The following CARS1 variants were observed in gnomAD, a reference collection of about 807,000 sequenced individuals.
CARS1 encodes the protein cysteine--tRNA ligase, cytoplasmic.
Under a neutral mutation model 106.2 loss-of-function variants are expected in CARS1, and 48 were observed. That is an observed-to-expected ratio of 0.45 (90% CI 0.36 to 0.57). The LOEUF is 0.57. Among genes scored for constraint, CARS1 ranks in the 20% least tolerant of loss-of-function variants. The probability of loss-of-function intolerance (pLI) is 0.00; values close to 1 mark genes in which losing one functional copy is unlikely to be tolerated. For missense variants in CARS1, 968 were observed against 1,057.2 expected, an observed-to-expected ratio of 0.92 and a Z score of 1.17; for synonymous variants, 409 against 403.4, an observed-to-expected ratio of 1.01 and a Z score of -0.17.
rs767817380 is a variant in CARS1 at position 3,040,957 on chromosome 11, T to G, written c.394A>C (p.Lys132Gln). Residue 132 changes from lysine to glutamine, a missense_variant, in exon 4 of 23, where the codon AAG (lysine) becomes CAG (glutamine). Lys to Gln is a moderately conservative substitution (Grantham distance 53, BLOSUM62 1). Transcript: ENST00000380525. The surrounding 1 kb of genome is among the most constrained non-coding windows in gnomAD (Gnocchi z 5.8). ...KEVFIPQDGKKVTWYCCGPTV... is the reference protein window; with the variant it reads ...KEVFIPQDGKQVTWYCCGPTV... Reference sequence around the variant, plus strand: ...GGCCCACAGCAATACCACGTCACCTTTTTCCCATCTTGAGGTATGAACACT... The same window carrying G: ...GGCCCACAGCAATACCACGTCACCTGTTTCCCATCTTGAGGTATGAACACT... 6.2e-7 allele frequency: 1 copy of G among 1,614,166 alleles called. No homozygotes were observed. The highest frequency in any genetic ancestry group is 1.7e-5 in the Admixed American group (1 of 60,020).
In CARS1 at chr11:3,038,260, A is replaced by G; in HGVS notation, c.652-61T>C. ...CTGCTCAGCAAAACCTAAATTCATAAAGGTGATTCCAGGTAGAAAACAGAA... is the reference window on the plus strand; with the variant it reads ...CTGCTCAGCAAAACCTAAATTCATAGAGGTGATTCCAGGTAGAAAACAGAA... On this transcript the variant is annotated intron_variant, in intron 6 of 22. Transcript: ENST00000380525. The surrounding 1 kb of genome is among the most constrained non-coding windows in gnomAD (Gnocchi z 4.0). 1.3e-6 allele frequency: 2 copies of G among 1,483,798 alleles called. No homozygotes were observed. The highest frequency in any genetic ancestry group is 1.9e-6 in the Non-Finnish European group (2 of 1,067,792). The allele number at this position is 1,483,798 out of a possible 1,614,324, so 91.9% of individuals were successfully genotyped here.
chr11:3,052,102 T>A lies in CARS1; in HGVS notation c.26-4101A>T, dbSNP rs1185280426. Among the ~76,000 whole-genome samples the A allele has an allele frequency of 6.6e-6, 1 of 152,252 alleles. No individual in the cohort carries two copies. Among genetic ancestry groups the A allele is most frequent in the Admixed American group, 6.5e-5 (1 of 15,290 alleles). On this transcript the variant is annotated intron_variant, in intron 1 of 22. Transcript: ENST00000380525. This position sits in a 1 kb window ranked among gnomAD's most constrained non-coding sequence, Gnocchi z 4.6. ...CAGTAAGCATCTGCTATTTTTAAAA[T>A]GAGAAAAACATCAAATGTCCTAACG... is the stretch of plus-strand genomic sequence containing the variant.
intron 17 of CARS1, 77 bp from the exon 18 acceptor site, chr11:3,012,353 C>A (rs916938898): frequency 1.6e-6 from 2 of 1,284,302 alleles, no homozygotes; most frequent in East Asian, 4.6e-5. Flanking sequence ...GCTCAGTGGC[C>A]GCGACACAGG....
chr11:3,017,875 T>G lies in CARS1; in HGVS notation c.1709A>C (p.Glu570Ala), dbSNP rs567797550. The G allele has an allele frequency of 1.3e-4, 211 of 1,612,332 alleles. No individual in the cohort carries two copies. The highest frequency in any genetic ancestry group is 3.5e-4 in the South Asian group (32 of 91,016). ...ACCTTACTTCTTATTCAGTTCTGCTTCTTCTTCTCCCCACTTCTCAAACTG... is the reference window on the plus strand; with the variant it reads ...ACCTTACTTCTTATTCAGTTCTGCTGCTTCTTCTCCCCACTTCTCAAACTG... ...TGQFEKWGEE[E>A]AELNKNFYDK... Residue 570 changes from glutamate to alanine, a missense_variant, in exon 15 of 23, where the codon GAA (glutamate) becomes GCA (alanine). By Grantham distance (107) the Glu-to-Ala change is moderately radical. Transcript: ENST00000380525. This position sits in a 1 kb window ranked among gnomAD's most constrained non-coding sequence, Gnocchi z 4.9.
Position 3,029,233 on chromosome 11 carries a change from C to T in CARS1, c.942+70G>A. The T allele has an allele frequency of 2.5e-6, 4 of 1,575,158 alleles. No individual in the cohort carries two copies. Among genetic ancestry groups the T allele is most frequent in the Non-Finnish European group, 3.5e-6 (4 of 1,147,574 alleles). On this transcript the variant is annotated intron_variant, in intron 8 of 22. Coordinates refer to ENST00000380525, the MANE Select transcript of CARS1 (RefSeq NM_001014437.3). The surrounding 1 kb of genome is among the most constrained non-coding windows in gnomAD (Gnocchi z 5.9). ...TGGCCGCTTAATTGAGCTGGCCTTG[C>T]CAAAACAGGAATTTAGAAATCAGGG... is the stretch of plus-strand genomic sequence containing the variant.
intron 1 of CARS1, among the ~76,000 whole-genome samples, chr11:3,049,981 A>G (rs1223977979): frequency 2.6e-5 from 4 of 152,218 alleles, no homozygotes. Context: ...CTGTGGTGTC[A>G]GCAAAGATGA....
rs1849476266 is a variant in CARS1 at position 3,002,429 on chromosome 11, A to G, written c.2277+112T>C. The G allele has an allele frequency of 4.6e-6, 7 of 1,538,420 alleles. 1 individual carries two copies. In the Admixed American group the frequency reaches 1.4e-4, roughly 32 times the overall value. ...GGCAGAAAGCGGAGCTCCTTCTGTGAGGGTCTGCAGGGGCCTGGCTAAGGT... is the reference window on the plus strand; with the variant it reads ...GGCAGAAAGCGGAGCTCCTTCTGTGGGGGTCTGCAGGGGCCTGGCTAAGGT... On this transcript the variant is annotated intron_variant, in intron 21 of 22. Coordinates refer to ENST00000380525, the MANE Select transcript of CARS1 (RefSeq NM_001014437.3).
rs945910189 is a variant in CARS1, at chr11:3,030,642, T to C, written c.802-1199A>G. On this transcript the variant is annotated intron_variant, in intron 7 of 22. Coordinates refer to ENST00000380525, the MANE Select transcript of CARS1 (RefSeq NM_001014437.3). This position sits in a 1 kb window ranked among gnomAD's most constrained non-coding sequence, Gnocchi z 5.7. The stretch of plus-strand genomic sequence containing the variant: ...ACCCAAGAACATGAGCAACTGTGAA[T>C]GGGAGTCAGCAGAAACGACAAACAG... 5.3e-5 allele frequency: 8 copies of C among 152,150 alleles called. No individual in the cohort carries two copies. Among genetic ancestry groups the C allele is most frequent in the African/African-American group, 1.9e-4 (8 of 41,412 alleles). The allele number at this position is 152,150 out of a possible 1,614,324, so 9.4% of individuals were successfully genotyped here.
rs928475776 is a variant in CARS1, at chr11:3,019,392, G to A, written c.1267-125C>T. 15 of 1,102,640 alleles carry A rather than the reference G, an allele frequency of 1.4e-5. No individual in the cohort carries two copies. The highest frequency in any genetic ancestry group is 5.8e-5 in the East Asian group (2 of 34,506). 68.3% of individuals were successfully genotyped at this position (1,102,640 alleles called of 1,614,324 possible). A position where few individuals can be genotyped will look rare whatever the true frequency, so the allele number is the denominator to read the frequency against. On this transcript the variant is annotated intron_variant, in intron 11 of 22. Transcript: ENST00000380525. This position sits in a 1 kb window ranked among gnomAD's most constrained non-coding sequence, Gnocchi z 6.2. The stretch of plus-strand genomic sequence containing the variant: ...TTTATTGGAACAAGCGTTAAATCCC[G>A]CACATGAAAAGACTAAGGGAAGGCT...
Position 3,044,837 on chromosome 11 carries a change from A to G in CARS1, c.275-2581T>C, listed in dbSNP as rs1854915483. Among the ~76,000 whole-genome samples the G allele has an allele frequency of 6.6e-6, 1 of 152,142 alleles. No individual in the cohort carries two copies. The highest frequency in any genetic ancestry group is 2.4e-5 in the African/African-American group (1 of 41,420). ...GAAACAGGGATGTGGGAGGCTGAAG[A>G]TAAAATGATGGAGAGGGAAGCCAGG... On this transcript the variant is annotated intron_variant, in intron 2 of 22. Coordinates refer to ENST00000380525, the MANE Select transcript of CARS1 (RefSeq NM_001014437.3). This position sits in a 1 kb window ranked among gnomAD's most constrained non-coding sequence, Gnocchi z 4.4.
At chr11:3,018,870 G>A (rs74661414) in intron 12 of CARS1, 121 bp from the exon 13 acceptor site, 172,038 of 1,345,730 alleles carry the variant, frequency 0.13, 12,625 homozygotes, top group Non-Finnish European at 0.14. Flanking sequence ...TTTCCAGGTG[G>A]TGCAGGCAGG....
rs191426816 is a variant in CARS1 at position 3,043,338 on chromosome 11, C to T, written c.275-1082G>A. Among the ~76,000 whole-genome samples the T allele has an allele frequency of 5.9e-5, 9 of 152,116 alleles. No homozygotes were observed. The highest frequency in any genetic ancestry group is 1.9e-4 in the East Asian group (1 of 5,170). On this transcript the variant is annotated intron_variant, in intron 2 of 22. Coordinates refer to ENST00000380525, the MANE Select transcript of CARS1 (RefSeq NM_001014437.3). The surrounding 1 kb of genome is among the most constrained non-coding windows in gnomAD (Gnocchi z 4.0). ...ATCTGGCAAAGCTAGGTGTGGAGGA[C>T]GGTACCTGGTGACTTTCCCGTTGCC...
Position 3,047,925 on chromosome 11 carries a change from C to G in CARS1, c.102G>C (p.Thr34=), listed in dbSNP as rs769079103. 3.1e-6 allele frequency: 5 copies of G among 1,614,148 alleles called. No individual in the cohort carries two copies. The African/African-American group carries it at 4.0e-5, about 13-fold the overall frequency. ...RAQALNEHLS[T]RSYVQGYSLS... The stretch of plus-strand genomic sequence containing the variant: ...GTGAGTACCCCTGGACATAGCTACG[C>G]GTGCTGAGGTGCTCGTTCAGGGCTT... Residue 34 remains threonine (T), a synonymous_variant, in exon 2 of 23, where the codon ACG becomes ACC. Coordinates refer to ENST00000380525, the MANE Select transcript of CARS1 (RefSeq NM_001014437.3).
chr11:3,044,194 T>C lies in CARS1; in HGVS notation c.275-1938A>G, dbSNP rs57674237. On this transcript the variant is annotated intron_variant, in intron 2 of 22. Coordinates refer to ENST00000380525, the MANE Select transcript of CARS1 (RefSeq NM_001014437.3). This position sits in a 1 kb window ranked among gnomAD's most constrained non-coding sequence, Gnocchi z 4.4. ...GAAACACAGCCATGAGGCCACGGGA[T>C]CATCACACTCACCCTGCTATGAGGA... Among the ~76,000 whole-genome samples, 6,480 of 152,094 alleles carry C rather than the reference T, an allele frequency of 0.043. 472 individuals carry two copies. Among genetic ancestry groups the C allele is most frequent in the African/African-American group, 0.15 (6,107 of 41,464 alleles).
At chr11:3,007,347 ACT>A (rs1437077089) in intron 18 of CARS1, 3 of 217,522 alleles carry the variant, frequency 1.4e-5, no homozygotes, top group East Asian at 2.3e-4. Flanking sequence ...GGGTGCTAAC[ACT>A]CTTCATCTGA....
Position 3,043,525 on chromosome 11 carries a change from C to A in CARS1, c.275-1269G>T, listed in dbSNP as rs372174026. ...CTTCACATGTCTCTGCTGAGTGGCA[C>A]CAGGAAGGCCTACGAGATGGATACT... On this transcript the variant is annotated intron_variant, in intron 2 of 22. Coordinates refer to ENST00000380525, the MANE Select transcript of CARS1 (RefSeq NM_001014437.3). This position sits in a 1 kb window ranked among gnomAD's most constrained non-coding sequence, Gnocchi z 4.0. Among the ~76,000 whole-genome samples the A allele has an allele frequency of 4.0e-5, 6 of 150,566 alleles. No individual in the cohort carries two copies. Among genetic ancestry groups the A allele is most frequent in the Admixed American group, 6.7e-5 (1 of 15,012 alleles).
intron 9 of CARS1, chr11:3,027,259 CAGT>C (rs1267352400): frequency 1.9e-5 from 3 of 154,048 alleles, no homozygotes; most frequent in African/African-American, 7.2e-5. Context: ...TGCTGCCCCA[CAGT>C]AGTTTGTGTG....
In CARS1 at chr11:3,001,995, T is replaced by C. The variant is rs1257182118; in HGVS notation, c.2336A>G (p.Asp779Gly). 6.2e-7 allele frequency: 1 copy of C among 1,613,638 alleles called. No individual in the cohort carries two copies. Among genetic ancestry groups the C allele is most frequent in the Non-Finnish European group, 8.5e-7 (1 of 1,179,744 alleles). The change falls in exon 22 of 23, where the codon GAC (aspartate) becomes GGC (glycine). Residue 779 changes from aspartate to glycine, a missense_variant. Coordinates refer to ENST00000380525, the MANE Select transcript of CARS1 (RefSeq NM_001014437.3). ...ATTTTCATCAAACTTGGAGTATTTGTCGGTTTCTGACAAGAACATCTCACT... is the reference window on the plus strand; with the variant it reads ...ATTTTCATCAAACTTGGAGTATTTGCCGGTTTCTGACAAGAACATCTCACT... ...PPSEMFLSET[D>G]KYSKFDENGL...
rs527269254 is a variant in CARS1, at chr11:3,040,632, C to T, written c.455+264G>A. On this transcript the variant is annotated intron_variant, in intron 4 of 22. Coordinates refer to ENST00000380525, the MANE Select transcript of CARS1 (RefSeq NM_001014437.3). The surrounding 1 kb of genome is among the most constrained non-coding windows in gnomAD (Gnocchi z 5.8). ...GGTATGTGAGAAAAAGTGCCCAGGT[C>T]GAGTCCAGCATGTTAGCAGTGGGGC... 97 of 647,210 alleles carry T rather than the reference C, an allele frequency of 1.5e-4. 1 individual carries two copies. The African/African-American group carries it at 1.6e-3, about 11-fold the overall frequency. The allele number at this position is 647,210 out of a possible 1,614,324, so 40.1% of individuals were successfully genotyped here.
Sources: gnomAD v4.1 joint callset for allele counts (sites outside exome capture counted in the v4.1 genomes callset) on GRCh38, gnomAD v4.1.1 for gene constraint, Gnocchi (gnomAD v3.1) non-coding constraint, MANE v1.5 for transcripts, NCBI Gene and HGNC (gene_info 2026-07-23, HGNC 2026-07-21) for gene names.